Variants in PCDHA10 observed in about 807,000 individuals in gnomAD.
PCDHA10 encodes the protein protocadherin alpha 10, also known as protocadherin alpha-10.
In PCDHA10, 45 loss-of-function variants were observed where a neutral mutation model predicts 61.2. The ratio of observed to expected loss-of-function variants is 0.74; its 90% CI spans 0.58 to 0.94. The LOEUF (loss-of-function observed/expected upper bound fraction) is 0.94. Ranked by LOEUF, PCDHA10 falls within the 40% of genes least tolerant of loss-of-function variation. The pLI is 0.00. For missense variants in PCDHA10, 1,278 were observed against 1,236.2 expected (o/e 1.03, Z -0.51); for synonymous variants, 602 against 548.8 (o/e 1.10, Z -1.35).
intron 3 of PCDHA10, among the ~76,000 whole-genome samples, chr5:140,999,986 G>A (rs2097887000): frequency 6.6e-6 from 1 of 151,990 alleles, no homozygotes; most frequent in African/African-American, 2.4e-5. Context: ...GCGGCCTCTG[G>A]GTAGTGGTAT....
intron 1 of PCDHA10, among the ~76,000 whole-genome samples, chr5:140,946,755 A>G (rs1554217843): frequency 3.3e-5 from 5 of 151,400 alleles, no homozygotes. Context: ...ATACTGCATG[A>G]TCTCATTCAT....
In PCDHA10 at chr5:140,882,915, A is replaced by G. The variant is rs374032403; in HGVS notation, c.2388+24479A>G. The G allele has an allele frequency of 9.7e-5, 156 of 1,614,110 alleles. No individual in the cohort carries two copies. Among genetic ancestry groups the G allele is most frequent in the Non-Finnish European group, 1.2e-4 (140 of 1,180,046 alleles). ...CATAGTTTATTACTGACAGCCAGTG[A>G]TGGAGGTAAACCCGAGCTGACTGGC... is the stretch of plus-strand genomic sequence containing the variant. On this transcript the variant is annotated intron_variant, in intron 1 of 3. Transcript: ENST00000307360.
Position 140,857,914 on chromosome 5 carries a change from C to A in PCDHA10, c.1866C>A (p.Arg622=), listed in dbSNP as rs781836779. 4 of 1,597,754 alleles carry A rather than the reference C, an allele frequency of 2.5e-6. No individual in the cohort carries two copies. Among genetic ancestry groups the A allele is most frequent in the South Asian group, 2.2e-5 (2 of 90,508 alleles). ...CGGTTGGTGCACGCATCCCGTTTCG[C>A]GTGGGGCTGTACACGGGCGAGATCA... ...SAAVGARIPF[R]VGLYTGEIST... is the part of the protein sequence containing the mutation. Residue 622 remains arginine (R), a synonymous_variant, in exon 1 of 4, where the codon CGC becomes CGA. Coordinates refer to ENST00000307360, the MANE Select transcript of PCDHA10 (RefSeq NM_018901.4).
intron 1 of PCDHA10, chr5:140,871,578 G>A (rs1554165764): frequency 6.8e-7 from 1 of 1,474,340 alleles, no homozygotes; most frequent in Admixed American, 2.6e-5. Context: ...TTTTTTAAGG[G>A]AAAGTTTTAT....
At chr5:140,901,329 T>A (rs180738358) in intron 1 of PCDHA10, among the ~76,000 whole-genome samples, 102 of 152,302 alleles carry the variant, frequency 6.7e-4, no homozygotes, top group Admixed American at 1.2e-3. Context: ...TTTCTTGTAG[T>A]CGTTTTATAG....
intron 1 of PCDHA10, among the ~76,000 whole-genome samples, chr5:140,934,465 A>G (rs1313806464): frequency 1.3e-5 from 2 of 152,152 alleles, no homozygotes; most frequent in African/African-American, 4.8e-5. Context: ...ATGTTTTAAC[A>G]TTATTTTGAA....
At chr5:140,960,557 G>A (rs2095556177) in intron 1 of PCDHA10, among the ~76,000 whole-genome samples, 1 of 152,104 alleles carries the variant, frequency 6.6e-6, no homozygotes. Context: ...TATAGACTGA[G>A]CTTAGGAAAA....
chr5:140,987,805 C>T (rs2097269328), intron 3 of PCDHA10, among the ~76,000 whole-genome samples: 3 of 152,140 alleles, frequency 2.0e-5, no homozygotes. Flanking sequence ...TTTAAAGTGC[C>T]TGTCTCTTTG....
chr5:140,869,502 C>T lies in PCDHA10; in HGVS notation c.2388+11066C>T, dbSNP rs2051182557. 3 of 1,614,090 alleles carry T rather than the reference C, an allele frequency of 1.9e-6. No homozygotes were observed. In the African/African-American group the frequency reaches 4.0e-5, roughly 22 times the overall value. On this transcript the variant is annotated intron_variant, in intron 1 of 3. Transcript: ENST00000307360. Reference sequence around the variant, plus strand: ...ACATTAACGACAACCCGCCGGTGTTCTCGCTCAGAGAACAAAAGCTGCTGA... The same window carrying T: ...ACATTAACGACAACCCGCCGGTGTTTTCGCTCAGAGAACAAAAGCTGCTGA...
intron 1 of PCDHA10, among the ~76,000 whole-genome samples, chr5:140,898,433 T>G (rs1253149141): frequency 6.6e-5 from 10 of 152,184 alleles, no homozygotes; most frequent in Non-Finnish European, 7.4e-5. Flanking sequence ...CCAGCACCAT[T>G]TATTAAATAG....
intron 1 of PCDHA10, among the ~76,000 whole-genome samples, chr5:140,941,284 TTCTCTTTC>T (rs1330714341): frequency 4.0e-5 from 5 of 124,574 alleles, no homozygotes; most frequent in African/African-American, 1.4e-4. Context: ...CTTCCTTCCT[TTCTCTTTC>T]TTTCTTTCTT....
At chr5:140,861,527 G>A (rs1554154863) in intron 1 of PCDHA10, 2 of 454,914 alleles carry the variant, frequency 4.4e-6, no homozygotes. Flanking sequence ...GGAGGATCTC[G>A]GAGTGCAGCA....
At chr5:140,978,913 T>C in intron 1 of PCDHA10, 36 bp from the exon 2 acceptor site, 1 of 1,613,902 alleles carries the variant, frequency 6.2e-7, no homozygotes, top group Non-Finnish European at 8.5e-7. Flanking sequence ...CATTGTCTTG[T>C]CATTTTAACA....
intron 2 of PCDHA10, among the ~76,000 whole-genome samples, chr5:140,979,943 T>A (rs2153820467): frequency 6.6e-6 from 1 of 152,364 alleles, no homozygotes; most frequent in Admixed American, 6.5e-5. Context: ...GTAGAGTTAA[T>A]GTGAAATTAG....
chr5:140,946,374 C>T (rs1371899868), intron 1 of PCDHA10, among the ~76,000 whole-genome samples: 5 of 151,656 alleles, frequency 3.3e-5, no homozygotes, highest in African/African-American at 9.7e-5. Flanking sequence ...CTCTTGCACA[C>T]GGTTGGTAGG....
In PCDHA10 at chr5:140,856,300, T is replaced by C. The variant is rs1251498133; in HGVS notation, c.252T>C (p.Phe84=). 2 of 1,598,422 alleles carry C rather than the reference T, an allele frequency of 1.3e-6. No homozygotes were observed. The highest frequency in any genetic ancestry group is 2.7e-5 in the African/African-American group (2 of 74,270). ...TAAATCTGCAGAATGGCATTTTGTT[T>C]GTGAATTCTCGGATTGACCGCGAGG... ...LEVNLQNGIL[F]VNSRIDREEL... is the part of the protein sequence containing the mutation. Residue 84 remains phenylalanine, a synonymous_variant, in exon 1 of 4, where the codon TTT becomes TTC. Coordinates refer to ENST00000307360, the MANE Select transcript of PCDHA10 (RefSeq NM_018901.4).
chr5:140,872,346 G>A (rs2053606612), intron 1 of PCDHA10, among the ~76,000 whole-genome samples: 1 of 152,022 alleles, frequency 6.6e-6, no homozygotes, highest in Admixed American at 6.6e-5. Context: ...ACATGTTCTT[G>A]CCAGGCAAAG....
rs1161459762 is a variant in PCDHA10, at chr5:140,884,196, C to A, written c.2388+25760C>A. 1.9e-6 allele frequency: 3 copies of A among 1,613,298 alleles called. No homozygotes were observed. The African/African-American group carries it at 4.0e-5, about 22-fold the overall frequency. On this transcript the variant is annotated intron_variant, in intron 1 of 3. Coordinates refer to ENST00000307360, the MANE Select transcript of PCDHA10 (RefSeq NM_018901.4). ...CGCCCTCTGGACGAGGTGGACGCGCCGCACCACCGCCTTCTGGTGCTGGTG... is the reference window on the plus strand; with the variant it reads ...CGCCCTCTGGACGAGGTGGACGCGCAGCACCACCGCCTTCTGGTGCTGGTG...
At chr5:140,877,958 C>A in intron 1 of PCDHA10, 1 of 1,319,110 alleles carries the variant, frequency 7.6e-7, no homozygotes, top group Non-Finnish European at 1.0e-6. Flanking sequence ...AATGTCTCAT[C>A]TTTCTTGGTC....
Sources: gnomAD v4.1 joint callset for allele counts (sites outside exome capture counted in the v4.1 genomes callset) on GRCh38, gnomAD v4.1.1 for gene constraint, MANE v1.5 for transcripts, NCBI Gene and HGNC (gene_info 2026-07-23, HGNC 2026-07-21) for gene names.